The following PTPN4 variants were observed in gnomAD, a reference collection of about 807,000 sequenced individuals.
PTPN4 encodes tyrosine-protein phosphatase non-receptor type 4.
PTPN4 carries 49 observed loss-of-function variants against 135.5 expected under a neutral mutation model. That is an observed-to-expected ratio of 0.36 (90% CI 0.29 to 0.46). PTPN4 has a LOEUF of 0.46. PTPN4 is among the 20% of genes least tolerant of loss of function. The pLI is 1.00. For missense variants in PTPN4, 860 were observed against 1,101.0 expected (o/e 0.78, Z 3.10); for synonymous variants, 333 against 369.9 (o/e 0.90, Z 1.14).
At chr2:119,886,016 A>AT (rs1446945160) in intron 9 of PTPN4, 134 bp downstream of exon 9, 1 of 564,294 alleles carries the variant, frequency 1.8e-6, no homozygotes, top group Non-Finnish European at 3.0e-6. Context: ...TTTCCTCTGA[A>AT]TTTAAGTATT....
intron 1 of PTPN4, among the ~76,000 whole-genome samples, chr2:119,761,746 G>A (rs4848559): frequency 0.48 from 73,030 of 152,138 alleles, 18,667 homozygotes; most frequent in East Asian, 0.69. Context: ...TTGTACATGG[G>A]AATGTTTGTC....
intron 1 of PTPN4, among the ~76,000 whole-genome samples, chr2:119,778,390 T>A (rs142287242): frequency 0.012 from 1,875 of 152,340 alleles, 40 homozygotes; most frequent in African/African-American, 0.043. Context: ...AATTATTTAG[T>A]TTCCATCCCT....
chr2:119,822,363 CCT>C (rs1491222154), intron 2 of PTPN4, among the ~76,000 whole-genome samples: 39 of 129,606 alleles, frequency 3.0e-4, no homozygotes, highest in African/African-American at 7.2e-4. Flanking sequence ...CCTCCCCCCC[CCT>C]TTTTTTTTTT....
At chr2:119,831,335 G>A (rs1433778630) in intron 2 of PTPN4, among the ~76,000 whole-genome samples, 1 of 152,118 alleles carries the variant, frequency 6.6e-6, no homozygotes, top group African/African-American at 2.4e-5. Context: ...TTAGGGGTTG[G>A]GGACACCTAC....
At chr2:119,847,328 A>ATATATTTT (rs1257711116) in intron 2 of PTPN4, among the ~76,000 whole-genome samples, 2 of 102,754 alleles carry the variant, frequency 1.9e-5, no homozygotes, top group African/African-American at 4.4e-5. Context: ...ATATATATAT[A>ATATATTTT]TTTTTTTTTT....
In PTPN4 at chr2:119,965,504, A is replaced by G; in HGVS notation, c.2417A>G (p.Glu806Gly). ...TTTTTCATTTGTTCTTAGAAAAATG[A>G]AAGTCGTCCACTCACTCAGATCCAG... is the stretch of plus-strand genomic sequence containing the variant. Reference protein sequence around the residue: ...KMTLFNQEKNESRPLTQIQYI... With the variant: ...KMTLFNQEKNGSRPLTQIQYI... The change falls in exon 25 of 27, where the codon GAA becomes GGA. Residue 806 changes from glutamate to glycine, a missense_variant. This residue lies in a region of PTPN4 where 176 missense variants were observed against 294.1 expected (regional missense o/e 0.60). Transcript: ENST00000263708. The G allele has an allele frequency of 6.3e-7, 1 of 1,599,832 alleles. No homozygotes were observed. Among genetic ancestry groups the G allele is most frequent in the Non-Finnish European group, 8.5e-7 (1 of 1,175,748 alleles).
chr2:119,815,959 A>G (rs184251225), intron 2 of PTPN4, among the ~76,000 whole-genome samples: 2 of 152,346 alleles, frequency 1.3e-5, no homozygotes, highest in Admixed American at 1.3e-4. Flanking sequence ...AAGGCATTGA[A>G]TATCTCTCTC....
chr2:119,823,257 C>T (rs532519198), intron 2 of PTPN4, among the ~76,000 whole-genome samples: 258 of 147,068 alleles, frequency 1.8e-3, no homozygotes, highest in African/African-American at 6.0e-3. Context: ...TTTTTGGAGA[C>T]GCAGTCTCGC....
At chr2:119,895,471 C>T (rs1430002863) in intron 9 of PTPN4, among the ~76,000 whole-genome samples, 2 of 152,210 alleles carry the variant, frequency 1.3e-5, no homozygotes, top group Non-Finnish European at 2.9e-5. Flanking sequence ...CAAACCCCGT[C>T]TCTACTAAAA....
At position 119,831,607 on chromosome 2, in the gene PTPN4, A is replaced by G. The variant is rs190501355; in HGVS notation, c.138+21616A>G. 1.1e-4 allele frequency among the ~76,000 whole-genome samples: 16 copies of G among 152,284 alleles called. 1 individual carries two copies. The Middle Eastern group carries it at 0.01, about 97-fold the overall frequency. On this transcript the variant is annotated intron_variant, in intron 2 of 26. Coordinates refer to ENST00000263708, the MANE Select transcript of PTPN4 (RefSeq NM_002830.4). Reference sequence around the variant, plus strand: ...GGATTGGCCCTTTGGTCATTGTATAATAATTCTTTGTCCCTGTTAAACTCT... The same window carrying G: ...GGATTGGCCCTTTGGTCATTGTATAGTAATTCTTTGTCCCTGTTAAACTCT...
chr2:119,972,281 A>C (rs755204962), intron 26 of PTPN4, among the ~76,000 whole-genome samples: 3 of 152,172 alleles, frequency 2.0e-5, no homozygotes, highest in Non-Finnish European at 4.4e-5. Context: ...CAAAGCATGA[A>C]CACAGGATGG....
chr2:119,804,697 G>A (rs189623746), intron 1 of PTPN4, among the ~76,000 whole-genome samples: 2 of 152,204 alleles, frequency 1.3e-5, no homozygotes, highest in East Asian at 1.9e-4. Context: ...CATTTGGGTT[G>A]GTTCCAAGTT....
At chr2:119,789,766 AG>A (rs1342308571) in intron 1 of PTPN4, among the ~76,000 whole-genome samples, 1 of 152,152 alleles carries the variant, frequency 6.6e-6, no homozygotes, top group Non-Finnish European at 1.5e-5. Flanking sequence ...TCACTCACTC[AG>A]GCTGGAGTGC....
At chr2:119,784,295 G>A (rs1228236719) in intron 1 of PTPN4, among the ~76,000 whole-genome samples, 1 of 126,944 alleles carries the variant, frequency 7.9e-6, no homozygotes, top group African/African-American at 3.0e-5. Context: ...TTTTTTTTGA[G>A]ACAGAATCTC....
At position 119,819,294 on chromosome 2, in the gene PTPN4, A is replaced by G. The variant is rs72969146; in HGVS notation, c.138+9303A>G. Among the ~76,000 whole-genome samples the G allele has an allele frequency of 8.0e-3, 1,222 of 152,238 alleles. 17 individuals are homozygous for G. The highest frequency in any genetic ancestry group is 0.028 in the African/African-American group (1,144 of 41,524). The stretch of plus-strand genomic sequence containing the variant: ...TCTGTTGCTTGTAAATGTTACATAC[A>G]TGTTTTATTTGGTCTATATTTGGTC... On this transcript the variant is annotated intron_variant, in intron 2 of 26. Transcript: ENST00000263708.
chr2:119,969,590 G>T (rs1310749183), intron 26 of PTPN4, among the ~76,000 whole-genome samples: 2 of 118,140 alleles, frequency 1.7e-5, no homozygotes, highest in African/African-American at 6.6e-5. Flanking sequence ...ACGGAGTCTC[G>T]CTTTGTCGCC....
chr2:119,950,937 C>T (rs1679203546), intron 18 of PTPN4, among the ~76,000 whole-genome samples: 1 of 152,040 alleles, frequency 6.6e-6, no homozygotes, highest in Non-Finnish European at 1.5e-5. Flanking sequence ...TAAGAATTTC[C>T]TTTACTGTCT....
chr2:119,890,644 T>C (rs776907935), intron 9 of PTPN4, among the ~76,000 whole-genome samples: 5 of 152,210 alleles, frequency 3.3e-5, no homozygotes, highest in African/African-American at 1.2e-4. Flanking sequence ...TGATACTGTT[T>C]GAGTCCTTTC....
intron 2 of PTPN4, among the ~76,000 whole-genome samples, chr2:119,823,426 G>C (rs1677100356): frequency 6.6e-6 from 1 of 151,894 alleles, no homozygotes; most frequent in South Asian, 2.1e-4. Flanking sequence ...GCAGAGATGG[G>C]GTTTCACCAT....
Sources: allele counts gnomAD v4.1 joint callset (sites outside exome capture counted in the v4.1 genomes callset), GRCh38; gene constraint gnomAD v4.1.1; regional missense constraint gnomAD v4.1.1; transcripts MANE v1.5; gene names NCBI Gene and HGNC (gene_info 2026-07-23, HGNC 2026-07-21).